The following ATG3 variants were observed in gnomAD, a reference collection of about 807,000 sequenced individuals.
The protein encoded by ATG3 is ubiquitin-like-conjugating enzyme ATG3.
Under a neutral mutation model 50.7 loss-of-function variants are expected in ATG3, and 25 were observed. That is an observed-to-expected ratio of 0.49 (90% confidence interval 0.36 to 0.69). ATG3 has a LOEUF of 0.69. Among genes scored for constraint, ATG3 ranks in the 30% least tolerant of loss-of-function variants. The pLI, the probability that ATG3 is intolerant of heterozygous loss-of-function variation, is 0.00. For missense variants in ATG3, 281 were observed against 376.0 expected, an observed-to-expected ratio of 0.75 and a Z score of 2.09; for synonymous variants, 119 against 125.5, an observed-to-expected ratio of 0.95 and a Z score of 0.34.
chr3:112,556,108 A>T (rs1158644090), intron 2 of ATG3, among the ~76,000 whole-genome samples: 1 of 152,252 alleles, frequency 6.6e-6, no homozygotes, highest in Non-Finnish European at 1.5e-5. Context: ...ATATCCTTAA[A>T]ATCAAAACTT....
intron 2 of ATG3, among the ~76,000 whole-genome samples, chr3:112,556,206 G>A (rs1017438477): frequency 1.3e-5 from 2 of 152,250 alleles, no homozygotes; most frequent in Admixed American, 6.5e-5. Flanking sequence ...TTTTATAGAT[G>A]AGGAAACATG....
At chr3:112,551,104 T>C (rs1933513079) in intron 3 of ATG3, among the ~76,000 whole-genome samples, 1 of 152,182 alleles carries the variant, frequency 6.6e-6, no homozygotes, top group African/African-American at 2.4e-5. Context: ...TAAGAATTTG[T>C]GGGTCATCTG....
chr3:112,561,496 C>T lies in ATG3; in HGVS notation c.33G>A (p.Lys11=). The change falls in exon 1 of 12, where the codon AAG becomes AAA. Residue 11 remains lysine, a synonymous_variant. Transcript: ENST00000283290. The part of the protein sequence containing the change: MQNVINTVKG[K]ALEVAEYLTP... ...TCAGGTACTCAGCCACTTCCAGTGC[C>T]TTTCCCTTCACAGTATTAATCACAT... is the stretch of plus-strand genomic sequence containing the variant. 1 of 1,612,130 alleles carries T rather than the reference C, an allele frequency of 6.2e-7. No individual in the cohort carries two copies. The highest frequency in any genetic ancestry group is 8.5e-7 in the Non-Finnish European group (1 of 1,179,336).
chr3:112,550,129 C>T (rs977249889), intron 4 of ATG3, 63 bp downstream of exon 4: 22 of 1,222,232 alleles, frequency 1.8e-5, no homozygotes, highest in Admixed American at 4.6e-5. Flanking sequence ...ATAGAAAAAC[C>T]GAGAGCTTCA....
chr3:112,554,001 A>C (rs913626136), intron 2 of ATG3, among the ~76,000 whole-genome samples: 1 of 152,256 alleles, frequency 6.6e-6, no homozygotes, highest in African/African-American at 2.4e-5. Flanking sequence ...AAGCGGGCTG[A>C]ATATTGTACA....
chr3:112,540,760 GAA>G (rs931401680), intron 7 of ATG3, among the ~76,000 whole-genome samples: 1 of 146,252 alleles, frequency 6.8e-6, no homozygotes, highest in African/African-American at 2.5e-5. Context: ...AACCAAGAGA[GAA>G]AAAAAAAAGA....
intron 2 of ATG3, among the ~76,000 whole-genome samples, chr3:112,556,835 G>T (rs1256111460): frequency 2.6e-5 from 4 of 151,726 alleles, no homozygotes; most frequent in South Asian, 2.1e-4. Flanking sequence ...CAGCATGCTC[G>T]TTAAGAGTCA....
intron 1 of ATG3, among the ~76,000 whole-genome samples, chr3:112,561,224 G>A (rs370395377): frequency 5.3e-5 from 8 of 152,312 alleles, no homozygotes; most frequent in South Asian, 2.1e-4. Flanking sequence ...GTTATGACGG[G>A]AGAAGGCAGG....
intron 5 of ATG3, among the ~76,000 whole-genome samples, chr3:112,547,343 T>C (rs1218204469): frequency 6.6e-6 from 1 of 151,992 alleles, no homozygotes; most frequent in Admixed American, 6.6e-5. Context: ...GAGAAAAACA[T>C]ATTTAGTATC....
rs11381118 is a variant in ATG3 at position 112,534,346 on chromosome 3, CA to C, written c.795-10del. The stretch of plus-strand genomic sequence containing the variant: ...TCATCACCTCAGCATGCCTAGAAGC[CA>C]AAAAAAAAAAAAATTGTTAATGTAG... On this transcript the variant is annotated splice_polypyrimidine_tract_variant and intron_variant, in intron 10 of 11. Transcript: ENST00000283290. 96,754 of 1,241,678 alleles carry C rather than the reference CA, an allele frequency of 0.078. 5,806 individuals carry two copies. Among genetic ancestry groups the C allele is most frequent in the African/African-American group, 0.46 (29,932 of 65,098 alleles). 76.9% of individuals were successfully genotyped at this position (1,241,678 alleles called of 1,614,324 possible). A position where few individuals can be genotyped will look rare whatever the true frequency, so the allele number is the denominator to read the frequency against.
intron 5 of ATG3, among the ~76,000 whole-genome samples, chr3:112,544,379 G>C (rs375240418): frequency 6.6e-6 from 1 of 152,146 alleles, no homozygotes; most frequent in South Asian, 2.1e-4. Flanking sequence ...AGTTTGGCCA[G>C]GTGCGGTGGA....
Position 112,536,518 on chromosome 3 carries a change from G to T in ATG3, c.751C>A (p.Pro251Thr), listed in dbSNP as rs993499830. 8.7e-6 allele frequency: 14 copies of T among 1,613,786 alleles called. No individual in the cohort carries two copies. In the Admixed American group the frequency reaches 1.7e-4, roughly 19 times the overall value. ...CACATGGGAGGTGGTGGCAGATGAG[G>T]GTGATTTTCAATGGTCACTGTTTTC... ...VKKTVTIENH[P>T]HLPPPPMCSV... is the part of the protein sequence containing the mutation. The change falls in exon 10 of 12, where the codon CCT becomes ACT. Residue 251 changes from proline to threonine, a missense_variant. Transcript: ENST00000283290.
intron 10 of ATG3, chr3:112,536,257 T>A: frequency 2.0e-6 from 1 of 509,574 alleles, no homozygotes; most frequent in Non-Finnish European, 3.4e-6. Context: ...AACAAAAAAA[T>A]TCTTAACATA....
intron 3 of ATG3, 83 bp downstream of exon 3, chr3:112,553,197 T>C (rs1933575885): frequency 8.8e-7 from 1 of 1,135,460 alleles, no homozygotes; most frequent in South Asian, 1.3e-5. Context: ...CTAATTTTCA[T>C]CCATTAACCT....
Position 112,561,555 on chromosome 3 carries a change from C to T in ATG3, c.-27G>A, listed in dbSNP as rs750875773. Reference sequence around the variant, plus strand: ...CTGGGGCCGGAGTAGCGGCCGGCCCCGCGACGGGATGGAAAGTGCAGCCGT... The same window carrying T: ...CTGGGGCCGGAGTAGCGGCCGGCCCTGCGACGGGATGGAAAGTGCAGCCGT... On this transcript the variant is annotated 5_prime_UTR_variant, in exon 1 of 12. Transcript: ENST00000283290. 6.2e-7 allele frequency: 1 copy of T among 1,600,226 alleles called. No homozygotes were observed. Among genetic ancestry groups the T allele is most frequent in the Non-Finnish European group, 8.5e-7 (1 of 1,175,162 alleles).
chr3:112,555,766 A>G (rs16859787), intron 2 of ATG3, among the ~76,000 whole-genome samples: 10,300 of 152,274 alleles, frequency 0.068, 437 homozygotes, highest in Admixed American at 0.12. Context: ...ATTGTGCTCT[A>G]TCCCAACCCT....
chr3:112,544,583 G>T (rs1190861264), intron 5 of ATG3, among the ~76,000 whole-genome samples: 1 of 135,808 alleles, frequency 7.4e-6, no homozygotes, highest in African/African-American at 2.6e-5. Flanking sequence ...GGACCCGGAA[G>T]GTGGAGGTTG....
chr3:112,552,152 A>G (rs916531063), intron 3 of ATG3, among the ~76,000 whole-genome samples: 1 of 152,218 alleles, frequency 6.6e-6, no homozygotes, highest in African/African-American at 2.4e-5. Flanking sequence ...TACAATTGAA[A>G]AACAATTTTT....
In ATG3 at chr3:112,550,230, T is replaced by C. The variant is rs1358775398; in HGVS notation, c.197A>G (p.Tyr66Cys). 6.2e-7 allele frequency: 1 copy of C among 1,613,214 alleles called. No homozygotes were observed. Among genetic ancestry groups the C allele is most frequent in the South Asian group, 1.1e-5 (1 of 90,952 alleles). The part of the protein sequence containing the change: ...ATGEELKVKA[Y>C]LPTGKQFLVT... The stretch of plus-strand genomic sequence containing the variant: ...CAAAAATTGTTTGCCTGTTGGTAGG[T>C]ATGCCTTCACTTTCAATTCTTCCCC... The change falls in exon 4 of 12, where the codon TAC (tyrosine) becomes TGC (cysteine). Residue 66 changes from tyrosine (Y) to cysteine (C), a missense_variant. By Grantham distance (194) the Tyr-to-Cys change is radical. Around this residue, in one of 3 missense-constraint regions of ATG3, gnomAD observed 242 missense variants for 305.0 expected, o/e 0.79. Transcript: ENST00000283290.
Sources: gnomAD v4.1 joint callset for allele counts (sites outside exome capture counted in the v4.1 genomes callset) on GRCh38, gnomAD v4.1.1 for gene constraint, gnomAD v4.1.1 regional missense constraint, MANE v1.5 for transcripts, NCBI Gene and HGNC (gene_info 2026-07-23, HGNC 2026-07-21) for gene names.